CSMD1: variants seen among roughly 807,000 people sequenced by gnomAD.
CSMD1 encodes the protein CUB and Sushi multiple domains 1.
Under a neutral mutation model 417.5 loss-of-function variants are expected in CSMD1, and 213 were observed. That is an observed-to-expected ratio of 0.51 (90% CI 0.46 to 0.57). The LOEUF is 0.57. CSMD1 is among the 20% of genes least tolerant of loss of function. The pLI is 0.00. For missense variants in CSMD1, 6,923 were observed against 4,529.7 expected (o/e 1.53, Z -15.17); for synonymous variants, 2,862 against 1,736.8 (o/e 1.65, Z -16.11).
chr8:3,635,973 C>G (rs968131001), intron 7 of CSMD1, among the ~76,000 whole-genome samples: 3 of 152,036 alleles, frequency 2.0e-5, no homozygotes, highest in Non-Finnish European at 2.9e-5. Flanking sequence ...GCTTTTGGCT[C>G]TTTTGTAATA....
At chr8:4,456,684 C>A (rs1220969847) in intron 2 of CSMD1, among the ~76,000 whole-genome samples, 1 of 152,114 alleles carries the variant, frequency 6.6e-6, no homozygotes, top group African/African-American at 2.4e-5. Context: ...CTGATGGATG[C>A]TGGCTCTGGT....
At chr8:4,066,068 G>C (rs541776979) in intron 3 of CSMD1, among the ~76,000 whole-genome samples, 1 of 152,202 alleles carries the variant, frequency 6.6e-6, no homozygotes, top group Non-Finnish European at 1.5e-5. Flanking sequence ...CCTGGAATAG[G>C]TGGCTCATTT....
rs374947219 is a variant in CSMD1, at chr8:3,087,303, C to T, written c.7286-18G>A. ...GTAAGGTGCTGTGGGCAGACAGACA[C>T]ACACAGAAATAAGTCAACAAGCAAA... On this transcript the variant is annotated intron_variant, in intron 48 of 69. Coordinates refer to ENST00000635120, the MANE Select transcript of CSMD1 (RefSeq NM_033225.6). 5 of 1,610,436 alleles carry T rather than the reference C, an allele frequency of 3.1e-6. No homozygotes were observed. The highest frequency in any genetic ancestry group is 4.2e-6 in the Non-Finnish European group (5 of 1,177,034).
At chr8:4,832,200 G>C (rs990367074) in intron 1 of CSMD1, among the ~76,000 whole-genome samples, 1 of 152,156 alleles carries the variant, frequency 6.6e-6, no homozygotes, top group Non-Finnish European at 1.5e-5. Flanking sequence ...CCCTGAGTGT[G>C]GGAGGGTTTG....
chr8:3,012,761 T>C (rs1808500381), intron 52 of CSMD1, among the ~76,000 whole-genome samples: 1 of 152,230 alleles, frequency 6.6e-6, no homozygotes, highest in Non-Finnish European at 1.5e-5. Flanking sequence ...GGATTTTTTA[T>C]ACTGATTCCA....
intron 20 of CSMD1, among the ~76,000 whole-genome samples, chr8:3,359,889 G>A (rs1479176417): frequency 6.6e-6 from 1 of 152,096 alleles, no homozygotes; most frequent in East Asian, 1.9e-4. Flanking sequence ...TATGTAACTA[G>A]AAGACAAGCA....
chr8:4,059,420 G>A (rs1253360212), intron 3 of CSMD1, among the ~76,000 whole-genome samples: 3 of 152,176 alleles, frequency 2.0e-5, no homozygotes, highest in African/African-American at 7.2e-5. Flanking sequence ...AAAGCTAGCA[G>A]AAGGCAAGAA....
chr8:3,700,155 C>T (rs116890853), intron 7 of CSMD1, among the ~76,000 whole-genome samples: 160 of 152,246 alleles, frequency 1.1e-3, no homozygotes, highest in East Asian at 8.9e-3. Context: ...TATGGTGCAG[C>T]GTATACTGCT....
intron 12 of CSMD1, among the ~76,000 whole-genome samples, chr8:3,440,319 T>C (rs1814889607): frequency 6.6e-6 from 1 of 152,232 alleles, no homozygotes; most frequent in South Asian, 2.1e-4. Flanking sequence ...CTTTGGTTTC[T>C]TTCAATAGCA....
At chr8:4,577,454 C>T (rs1248916671) in intron 2 of CSMD1, among the ~76,000 whole-genome samples, 3 of 152,186 alleles carry the variant, frequency 2.0e-5, no homozygotes, top group African/African-American at 4.8e-5. Context: ...AGGCTCCCAG[C>T]TCCAAGCGTG....
At chr8:3,462,570 C>T (rs1816573568) in intron 12 of CSMD1, among the ~76,000 whole-genome samples, 1 of 152,174 alleles carries the variant, frequency 6.6e-6, no homozygotes, top group Non-Finnish European at 1.5e-5. Context: ...TCTCCCATCA[C>T]CCAGATGGGA....
chr8:4,796,873 C>T (rs1798008857), intron 1 of CSMD1, among the ~76,000 whole-genome samples: 1 of 152,204 alleles, frequency 6.6e-6, no homozygotes, highest in Non-Finnish European at 1.5e-5. Flanking sequence ...AGGCAAGCCG[C>T]ACATATGCAC....
At chr8:3,306,844 C>CCA (rs1563252516) in intron 25 of CSMD1, among the ~76,000 whole-genome samples, 2 of 28,624 alleles carry the variant, frequency 7.0e-5, no homozygotes, top group Non-Finnish European at 1.6e-4. Flanking sequence ...AAAAATATTA[C>CCA]AGAGCTTACT....
At chr8:3,230,532 A>C (rs1798774082) in intron 26 of CSMD1, among the ~76,000 whole-genome samples, 1 of 152,172 alleles carries the variant, frequency 6.6e-6, no homozygotes, top group Non-Finnish European at 1.5e-5. Flanking sequence ...ACATACATAC[A>C]CACAGACTGA....
At chr8:3,994,475 G>T (rs1384141413) in intron 5 of CSMD1, among the ~76,000 whole-genome samples, 8 of 131,640 alleles carry the variant, frequency 6.1e-5, no homozygotes, top group African/African-American at 2.7e-4. Context: ...AAGAACACTT[G>T]GCTAGTCTCA....
intron 6 of CSMD1, among the ~76,000 whole-genome samples, chr8:3,717,027 C>T (rs1474964690): frequency 6.6e-6 from 1 of 152,024 alleles, no homozygotes; most frequent in African/African-American, 2.4e-5. Context: ...GGTCACAAAG[C>T]TTGAAATGGT....
chr8:4,448,702 G>A (rs537688327), intron 2 of CSMD1, among the ~76,000 whole-genome samples: 6 of 151,982 alleles, frequency 3.9e-5, no homozygotes, highest in African/African-American at 1.2e-4. Context: ...TATCTTTTTT[G>A]GCATTGCCCA....
intron 3 of CSMD1, among the ~76,000 whole-genome samples, chr8:4,272,646 C>G (rs1804679035): frequency 6.6e-6 from 1 of 152,136 alleles, no homozygotes; most frequent in South Asian, 2.1e-4. Flanking sequence ...TAATTGCATT[C>G]TTCCTAACAC....
At position 4,935,834 on chromosome 8, in the gene CSMD1, C is replaced by T. The variant is rs897774730; in HGVS notation, c.85+58498G>A. On this transcript the variant is annotated intron_variant, in intron 1 of 69. Transcript: ENST00000635120. ...GAGAGAGTGCTCGGCCTGCTGTTTA[C>T]CAAAAGCAGATTCAAACGTCTTCAC... 2.6e-5 allele frequency among the ~76,000 whole-genome samples: 4 copies of T among 152,192 alleles called. No homozygotes were observed. The East Asian group carries it at 5.8e-4, about 22-fold the overall frequency.
Sources: allele counts gnomAD v4.1 joint callset (sites outside exome capture counted in the v4.1 genomes callset), GRCh38; gene constraint gnomAD v4.1.1; transcripts MANE v1.5; gene names NCBI Gene and HGNC (gene_info 2026-07-23, HGNC 2026-07-21).